Variants in SRGAP2C observed in about 807,000 individuals in gnomAD.
The protein encoded by SRGAP2C is SLIT-ROBO Rho GTPase-activating protein 2C.
Under a neutral mutation model 25.1 loss-of-function variants are expected in SRGAP2C, and 15 were observed. The ratio of observed to expected loss-of-function variants is 0.60; its 90% CI spans 0.40 to 0.92. The LOEUF is 0.92. Among genes scored for constraint, SRGAP2C ranks in the 40% least tolerant of loss-of-function variants. The pLI is 0.00. For missense variants in SRGAP2C, 144 were observed against 264.4 expected (o/e 0.54, Z 3.16); for synonymous variants, 44 against 96.6 (o/e 0.46, Z 3.19).
chr1:121,289,293 C>A (rs1425889206), intron 3 of SRGAP2C, among the ~76,000 whole-genome samples: 1 of 144,100 alleles, frequency 6.9e-6, no homozygotes, highest in African/African-American at 2.6e-5. Flanking sequence ...AGCACAGCGC[C>A]GATGGTCCGG....
chr1:121,267,671 C>T (rs1460939162), intron 2 of SRGAP2C, among the ~76,000 whole-genome samples: 2 of 122,992 alleles, frequency 1.6e-5, no homozygotes, highest in South Asian at 3.1e-4. Context: ...GCAATTAAAA[C>T]TTTTGTTCCA....
intron 4 of SRGAP2C, among the ~76,000 whole-genome samples, chr1:121,338,968 T>C (rs1350071435): frequency 6.6e-6 from 1 of 150,594 alleles, no homozygotes; most frequent in Non-Finnish European, 1.5e-5. Context: ...TTTCAAGATA[T>C]TGTGGGTAAA....
intron 2 of SRGAP2C, among the ~76,000 whole-genome samples, chr1:121,222,415 A>T (rs1446730955): frequency 6.6e-6 from 1 of 151,922 alleles, no homozygotes; most frequent in Non-Finnish European, 1.5e-5. Flanking sequence ...GATTGCTTGA[A>T]CCCAGGAGAT....
chr1:121,282,564 T>A (rs1195685005), intron 2 of SRGAP2C, among the ~76,000 whole-genome samples: 1 of 151,670 alleles, frequency 6.6e-6, no homozygotes, highest in Non-Finnish European at 1.5e-5. Context: ...TTTTTTTTGT[T>A]GTTTGTTTGA....
At position 121,336,186 on chromosome 1, in the gene SRGAP2C, G is replaced by T. The variant is rs1374435388; in HGVS notation, c.423+11546G>T. 2.0e-5 allele frequency among the ~76,000 whole-genome samples: 3 copies of T among 152,142 alleles called. No homozygotes were observed. In the East Asian group the frequency reaches 5.8e-4, roughly 29 times the overall value. On this transcript the variant is annotated intron_variant, in intron 4 of 9. Coordinates refer to ENST00000367123, the MANE Select transcript of SRGAP2C (RefSeq NM_001329984.2). ...CCTAAGATGACCAACTATCCTGTTT[G>T]CCTTGGGCTGAGGGGGTTCCTAGGA...
chr1:121,258,603 T>A (rs1656538006), intron 2 of SRGAP2C, among the ~76,000 whole-genome samples: 1 of 150,912 alleles, frequency 6.6e-6, no homozygotes, highest in African/African-American at 2.4e-5. Flanking sequence ...GTAGCTGGGA[T>A]TACAGGCATG....
chr1:121,322,204 A>G (rs1658225592), intron 3 of SRGAP2C, among the ~76,000 whole-genome samples: 1 of 148,210 alleles, frequency 6.7e-6, no homozygotes, highest in East Asian at 2.0e-4. Context: ...GTCTCATGAG[A>G]TCTGCCCCTT....
intron 3 of SRGAP2C, among the ~76,000 whole-genome samples, chr1:121,299,832 T>C (rs1657664159): frequency 6.8e-6 from 1 of 147,514 alleles, no homozygotes; most frequent in Non-Finnish European, 1.5e-5. Context: ...CTCAGGGATT[T>C]AGCAAAAGGA....
In SRGAP2C at chr1:121,258,217, A is replaced by G. The variant is rs1261122826; in HGVS notation, c.68-26586A>G. On this transcript the variant is annotated intron_variant, in intron 2 of 9. Coordinates refer to ENST00000367123, the MANE Select transcript of SRGAP2C (RefSeq NM_001329984.2). ...CTTAGGCTGGGAACTCTGCTTGCAGATGAGAAATAAACCTACCTCTCTCCA... is the reference window on the plus strand; with the variant it reads ...CTTAGGCTGGGAACTCTGCTTGCAGGTGAGAAATAAACCTACCTCTCTCCA... 5.3e-5 allele frequency among the ~76,000 whole-genome samples: 8 copies of G among 151,234 alleles called. No individual in the cohort carries two copies. The East Asian group carries it at 1.6e-3, about 30-fold the overall frequency.
intron 2 of SRGAP2C, among the ~76,000 whole-genome samples, chr1:121,270,207 G>A (rs1656908349): frequency 6.6e-6 from 1 of 150,506 alleles, no homozygotes; most frequent in South Asian, 2.1e-4. Context: ...TTACACTTGA[G>A]TGATGACTCA....
intron 2 of SRGAP2C, among the ~76,000 whole-genome samples, chr1:121,236,267 A>G (rs1553328614): frequency 6.6e-6 from 1 of 151,980 alleles, no homozygotes; most frequent in African/African-American, 2.4e-5. Context: ...TTGGGCATCA[A>G]CAGATCGAAA....
At chr1:121,337,803 GTTA>G (rs1333334360) in intron 4 of SRGAP2C, among the ~76,000 whole-genome samples, 8 of 128,446 alleles carry the variant, frequency 6.2e-5, no homozygotes, top group Admixed American at 2.5e-4. Flanking sequence ...GTGTCAATTT[GTTA>G]TTATTAAGAA....
intron 4 of SRGAP2C, among the ~76,000 whole-genome samples, 179 bp from the exon 5 acceptor site, chr1:121,365,114 A>T (rs1466530422): frequency 1.2e-5 from 1 of 85,326 alleles, no homozygotes; most frequent in Non-Finnish European, 2.5e-5. Flanking sequence ...TTTTATTAAA[A>T]CTCTTTGAGT....
At chr1:121,253,630 A>AGG (rs201592093) in intron 2 of SRGAP2C, among the ~76,000 whole-genome samples, 1 of 146,960 alleles carries the variant, frequency 6.8e-6, no homozygotes, top group Non-Finnish European at 1.5e-5. Flanking sequence ...GAGGACTGCA[A>AGG]GGGGGAACAG....
chr1:121,249,572 ATATATATATTTTT>A (rs1203317491), intron 2 of SRGAP2C, among the ~76,000 whole-genome samples: 53 of 27,482 alleles, frequency 1.9e-3, no homozygotes, highest in African/African-American at 4.1e-3. Context: ...ATATATATAT[ATATATATATTTTT>A]TTTTTTTTTT....
chr1:121,309,496 A>C (rs1157606513), intron 3 of SRGAP2C, among the ~76,000 whole-genome samples: 5 of 146,786 alleles, frequency 3.4e-5, no homozygotes, highest in Non-Finnish European at 7.5e-5. Flanking sequence ...ATATGTATAC[A>C]TGTGCCATGC....
chr1:121,352,944 G>T (rs1658962228), intron 4 of SRGAP2C, among the ~76,000 whole-genome samples: 1 of 146,226 alleles, frequency 6.8e-6, no homozygotes, highest in Admixed American at 6.9e-5. Flanking sequence ...AAAAAAATTA[G>T]CCAGGCATAG....
intron 4 of SRGAP2C, among the ~76,000 whole-genome samples, chr1:121,359,657 A>G (rs1659142231): frequency 2.0e-5 from 3 of 152,240 alleles, no homozygotes; most frequent in Non-Finnish European, 4.4e-5. Flanking sequence ...CGTCCCAGCT[A>G]CATGGGAAGC....
chr1:121,376,904 G>A (rs1769137), intron 7 of SRGAP2C, among the ~76,000 whole-genome samples: 712 of 136,542 alleles, frequency 5.2e-3, no homozygotes, highest in African/African-American at 0.015. Context: ...CTGCCACACC[G>A]CTGCTATTGG....
Sources: allele counts gnomAD v4.1 joint callset (sites outside exome capture counted in the v4.1 genomes callset), GRCh38; gene constraint gnomAD v4.1.1; transcripts MANE v1.5; gene names NCBI Gene and HGNC (gene_info 2026-07-23, HGNC 2026-07-21).